The following MPZL1 variants were observed in gnomAD, a reference collection of about 807,000 sequenced individuals.
MPZL1 encodes myelin protein zero-like protein 1.
MPZL1 carries 16 observed loss-of-function variants against 29.3 expected under a neutral mutation model. That is an observed-to-expected ratio of 0.55 (90% CI 0.37 to 0.83). The LOEUF is 0.83. Ranked by LOEUF, MPZL1 falls within the 40% of genes least tolerant of loss-of-function variation. MPZL1 has a pLI of 0.00. For synonymous variants in MPZL1, 143 were observed against 132.0 expected (o/e 1.08, Z -0.57); for missense variants, 279 against 332.9 (o/e 0.84, Z 1.26).
At chr1:167,741,182 A>G (rs1002525295) in intron 1 of MPZL1, among the ~76,000 whole-genome samples, 5 of 140,256 alleles carry the variant, frequency 3.6e-5, no homozygotes, top group African/African-American at 1.4e-4. Flanking sequence ...ACGCCTGGCT[A>G]ATTTTTTTTT....
rs377498586 is a variant in MPZL1, at chr1:167,787,933, G to C, written c.*12G>C. ...TCCGAAAGAATTAAGAGAATACCTA[G>C]AACATATCCTCAGCAAGAAACAAAA... On this transcript the variant is annotated 3_prime_UTR_variant, in exon 6 of 6. Coordinates refer to ENST00000359523, the MANE Select transcript of MPZL1 (RefSeq NM_003953.6). 1.3e-6 allele frequency: 2 copies of C among 1,593,428 alleles called. No individual in the cohort carries two copies. The highest frequency in any genetic ancestry group is 2.2e-5 in the South Asian group (2 of 90,606).
At position 167,773,527 on chromosome 1, in the gene MPZL1, A is replaced by G. The variant is rs534377645; in HGVS notation, c.605+159A>G. On this transcript the variant is annotated intron_variant, in intron 4 of 5. Transcript: ENST00000359523. The stretch of plus-strand genomic sequence containing the variant: ...CTTAGGAGGTGTTCTAACATGGGCA[A>G]GTGGAAATCAGTGGGCCTGCTATTA... The G allele has an allele frequency of 5.1e-5, 35 of 687,222 alleles. No individual in the cohort carries two copies. In the African/African-American group the frequency reaches 6.0e-4, roughly 12 times the overall value. The allele number at this position is 687,222 out of a possible 1,614,324, so 42.6% of individuals were successfully genotyped here.
intron 1 of MPZL1, among the ~76,000 whole-genome samples, chr1:167,731,434 CTT>C (rs1255648939): frequency 8.2e-5 from 10 of 121,594 alleles, no homozygotes; most frequent in East Asian, 2.5e-4. Flanking sequence ...AAAACTGTGT[CTT>C]TTTTTTTTTT....
chr1:167,776,133 T>C lies in MPZL1; in HGVS notation c.675T>C (p.Gly225=). ...GGAAGTCCCCCTCCGACACTGAGGG[T>C]CTTGTAAAGAGTCTGCCTTCTGGAT... ...APRKSPSDTE[G]LVKSLPSGSH... is the part of the protein sequence containing the mutation. The change falls in exon 5 of 6, where the codon GGT becomes GGC. Residue 225 remains glycine, a synonymous_variant. Coordinates refer to ENST00000359523, the MANE Select transcript of MPZL1 (RefSeq NM_003953.6). 1.2e-6 allele frequency: 2 copies of C among 1,612,560 alleles called. No individual in the cohort carries two copies. Among genetic ancestry groups the C allele is most frequent in the Non-Finnish European group, 1.7e-6 (2 of 1,179,192 alleles).
At chr1:167,736,541 T>C (rs545080057) in intron 1 of MPZL1, among the ~76,000 whole-genome samples, 1 of 152,296 alleles carries the variant, frequency 6.6e-6, no homozygotes, top group Non-Finnish European at 1.5e-5. Context: ...TATTGCTTGC[T>C]GCTGTCCTAT....
intron 1 of MPZL1, among the ~76,000 whole-genome samples, chr1:167,725,322 C>T (rs1283221181): frequency 1.3e-5 from 2 of 152,184 alleles, no homozygotes; most frequent in African/African-American, 2.4e-5. Context: ...CTCTGTCTCG[C>T]CCAGGCTGGA....
intron 1 of MPZL1, among the ~76,000 whole-genome samples, chr1:167,729,956 T>C (rs1660228830): frequency 6.6e-6 from 1 of 152,214 alleles, no homozygotes; most frequent in Non-Finnish European, 1.5e-5. Flanking sequence ...TGAGACTCAA[T>C]TTCCAAAGCA....
At chr1:167,736,208 T>G (rs1660374522) in intron 1 of MPZL1, among the ~76,000 whole-genome samples, 1 of 152,226 alleles carries the variant, frequency 6.6e-6, no homozygotes, top group African/African-American at 2.4e-5. Flanking sequence ...AATGTTGATT[T>G]TCCTTAGGCA....
intron 1 of MPZL1, among the ~76,000 whole-genome samples, chr1:167,725,419 G>T (rs571681938): frequency 6.6e-6 from 1 of 151,788 alleles, no homozygotes; most frequent in Non-Finnish European, 1.5e-5. Flanking sequence ...CAAGTAGCTG[G>T]GACTACAGGC....
chr1:167,750,255 C>T (rs1660728856), intron 1 of MPZL1, among the ~76,000 whole-genome samples: 2 of 151,974 alleles, frequency 1.3e-5, no homozygotes. Flanking sequence ...GGCTGGAGTG[C>T]AATGCCGCGA....
rs192010549 is a variant in MPZL1, at chr1:167,784,695, G to A, written c.709-3125G>A. On this transcript the variant is annotated intron_variant, in intron 5 of 5. Coordinates refer to ENST00000359523, the MANE Select transcript of MPZL1 (RefSeq NM_003953.6). Reference sequence around the variant, plus strand: ...ACCCCAATCTCAACCTACATCTGCAGTTTCTCTGCATCCTTTCTTTCATCC... The same window carrying A: ...ACCCCAATCTCAACCTACATCTGCAATTTCTCTGCATCCTTTCTTTCATCC... Among the ~76,000 whole-genome samples the A allele has an allele frequency of 1.8e-3, 281 of 152,318 alleles. 3 individuals are homozygous for A. The highest frequency in any genetic ancestry group is 6.0e-3 in the South Asian group (29 of 4,826).
intron 1 of MPZL1, among the ~76,000 whole-genome samples, chr1:167,731,873 A>G (rs890655242): frequency 6.6e-6 from 1 of 152,186 alleles, no homozygotes; most frequent in Non-Finnish European, 1.5e-5. Context: ...AAATAAACCA[A>G]AAAACAAGTT....
chr1:167,784,020 G>A (rs1661543707), intron 5 of MPZL1, among the ~76,000 whole-genome samples: 1 of 152,154 alleles, frequency 6.6e-6, no homozygotes, highest in Non-Finnish European at 1.5e-5. Context: ...ACTGTGAAAG[G>A]TGTACTACAG....
At chr1:167,730,906 T>C (rs3767445) in intron 1 of MPZL1, among the ~76,000 whole-genome samples, 29,149 of 152,198 alleles carry the variant, frequency 0.19, 3,274 homozygotes, top group Non-Finnish European at 0.25. Flanking sequence ...TCTGTAGCCA[T>C]GTTGTCTGCC....
At chr1:167,742,024 C>A (rs1400450286) in intron 1 of MPZL1, among the ~76,000 whole-genome samples, 1 of 151,358 alleles carries the variant, frequency 6.6e-6, no homozygotes, top group Non-Finnish European at 1.5e-5. Context: ...CAAAGTGAGA[C>A]CCTGCCCCCA....
intron 2 of MPZL1, among the ~76,000 whole-genome samples, chr1:167,770,494 T>C (rs989272623): frequency 1.3e-5 from 2 of 152,234 alleles, no homozygotes; most frequent in African/African-American, 4.8e-5. Context: ...GGCTGAACTT[T>C]CAAAAGCCGG....
chr1:167,748,667 G>A (rs1323156697), intron 1 of MPZL1, among the ~76,000 whole-genome samples: 1 of 151,894 alleles, frequency 6.6e-6, no homozygotes, highest in African/African-American at 2.4e-5. Flanking sequence ...CATGCTTTTG[G>A]TGTGTTATCT....
At position 167,722,015 on chromosome 1, in the gene MPZL1, G is replaced by T; in HGVS notation, c.-137G>T. On this transcript the variant is annotated 5_prime_UTR_variant, in exon 1 of 6. Transcript: ENST00000359523. The stretch of plus-strand genomic sequence containing the variant: ...GGAGAGCCGCGGCTGGGACCGGAGT[G>T]GGGAGCGCGGCGTGGAGGTGCCACC... The T allele has an allele frequency of 8.5e-7, 1 of 1,177,616 alleles. No homozygotes were observed. The highest frequency in any genetic ancestry group is 1.1e-6 in the Non-Finnish European group (1 of 939,272). The allele number at this position is 1,177,616 out of a possible 1,614,324, so 72.9% of individuals were successfully genotyped here.
At chr1:167,770,390 G>A (rs1183569612) in intron 2 of MPZL1, among the ~76,000 whole-genome samples, 1 of 152,240 alleles carries the variant, frequency 6.6e-6, no homozygotes, top group Admixed American at 6.5e-5. Flanking sequence ...GCTTCCAGGT[G>A]CTGAGTTTGA....
Sources: gnomAD v4.1 joint callset for allele counts (sites outside exome capture counted in the v4.1 genomes callset) on GRCh38, gnomAD v4.1.1 for gene constraint, MANE v1.5 for transcripts, NCBI Gene and HGNC (gene_info 2026-07-23, HGNC 2026-07-21) for gene names.